Variants in CPNE2 observed in about 807,000 individuals in gnomAD.
The protein encoded by CPNE2 is copine-2.
A neutral mutation model predicts 69.7 loss-of-function variants in CPNE2; 42 were observed. That is an observed-to-expected ratio of 0.60 (90% CI 0.47 to 0.78). The LOEUF (loss-of-function observed/expected upper bound fraction) is 0.78, where lower values mean the gene tolerates loss of function less well. Ranked by LOEUF, CPNE2 falls within the 30% of genes least tolerant of loss-of-function variation. The pLI, the probability that CPNE2 is intolerant of heterozygous loss-of-function variation, is 0.00. For missense variants in CPNE2, 587 were observed against 732.0 expected (o/e 0.80, Z 2.29); for synonymous variants, 294 against 289.8 (o/e 1.01, Z -0.15).
At chr16:57,113,064 C>T in intron 2 of CPNE2, 1 of 482,192 alleles carries the variant, frequency 2.1e-6, no homozygotes. Context: ...GGTTTCAAAT[C>T]TCGGCCCTGC....
chr16:57,094,075 G>A lies in CPNE2; in HGVS notation c.-36+1285G>A, dbSNP rs539020006. 6.8e-5 allele frequency: 31 copies of A among 456,680 alleles called. 1 individual carries two copies. Among genetic ancestry groups the A allele is most frequent in the South Asian group, 4.5e-4 (29 of 64,570 alleles). 28.3% of individuals were successfully genotyped at this position (456,680 alleles called of 1,614,324 possible). ...TGAAGGCGTGGTTTTATGGCATTCCGCCTGGCATAGGTCCAGGTGAGCTCC... is the reference window on the plus strand; with the variant it reads ...TGAAGGCGTGGTTTTATGGCATTCCACCTGGCATAGGTCCAGGTGAGCTCC... On this transcript the variant is annotated intron_variant, in intron 1 of 15. Coordinates refer to ENST00000290776, the MANE Select transcript of CPNE2 (RefSeq NM_152727.6).
chr16:57,127,877 G>A lies in CPNE2; in HGVS notation c.1090G>A (p.Gly364Arg), dbSNP rs1448111743. 6.8e-6 allele frequency: 11 copies of A among 1,613,568 alleles called. No individual in the cohort carries two copies. Among genetic ancestry groups the A allele is most frequent in the East Asian group, 2.2e-5 (1 of 44,888 alleles). Residue 364 changes from glycine to arginine, a missense_variant, in exon 12 of 16, where the codon GGG (glycine) becomes AGG (arginine). Coordinates refer to ENST00000290776, the MANE Select transcript of CPNE2 (RefSeq NM_152727.6). ...SDKMFPALGF[G>R]AQLPPDWKVS... ...TAAGATGTTTCCAGCTCTGGGATTCGGGGCCCAGTTACCCCCAGACTGGAA... is the reference window on the plus strand; with the variant it reads ...TAAGATGTTTCCAGCTCTGGGATTCAGGGCCCAGTTACCCCCAGACTGGAA...
chr16:57,121,849 G>C lies in CPNE2; in HGVS notation c.867+89G>C. On this transcript the variant is annotated intron_variant, in intron 9 of 15. Transcript: ENST00000290776. ...AGAGCACTGGATCTGGAGCCAGCGA[G>C]GCCTGTGTTCAAATCCCGGCTCTGC... 3.1e-6 allele frequency: 4 copies of C among 1,292,298 alleles called. No individual in the cohort carries two copies. In the Admixed American group the frequency reaches 7.4e-5, roughly 24 times the overall value. The allele number at this position is 1,292,298 out of a possible 1,614,324, so 80.1% of individuals were successfully genotyped here.
Position 57,121,138 on chromosome 16 carries a change from G to A in CPNE2, c.727G>A (p.Gly243Ser), listed in dbSNP as rs1351454536. The change falls in exon 8 of 16, where the codon GGC becomes AGC. Residue 243 changes from glycine (G) to serine (S), a missense_variant. By Grantham distance (56) the Gly-to-Ser change is moderately conservative. This residue lies in a region of CPNE2 where 269 missense variants were observed against 300.5 expected (regional missense o/e 0.90). Coordinates refer to ENST00000290776, the MANE Select transcript of CPNE2 (RefSeq NM_152727.6). ...CAATGACGGGGGCCATGACTTCATC[G>A]GCGAGTTCCAGACCTCAGTGTCACA... ...YDNDGGHDFI[G>S]EFQTSVSQMC... The A allele has an allele frequency of 2.5e-6, 4 of 1,614,016 alleles. No homozygotes were observed. The highest frequency in any genetic ancestry group is 1.7e-5 in the Admixed American group (1 of 60,006).
At chr16:57,101,328 T>C (rs1400895140) in intron 1 of CPNE2, among the ~76,000 whole-genome samples, 2 of 152,242 alleles carry the variant, frequency 1.3e-5, no homozygotes, top group African/African-American at 4.8e-5. Flanking sequence ...TCTTCCTGGA[T>C]CTTCTCATCT....
rs1308697398 is a variant in CPNE2, at chr16:57,125,650, T to C, written c.928-210T>C. Reference sequence around the variant, plus strand: ...TGTCATCACATCTAGGCAGTGGACTTTATGCTTGGGCAATAGAGAGCCACA... The same window carrying C: ...TGTCATCACATCTAGGCAGTGGACTCTATGCTTGGGCAATAGAGAGCCACA... On this transcript the variant is annotated intron_variant, in intron 10 of 15. Transcript: ENST00000290776. 5 of 613,300 alleles carry C rather than the reference T, an allele frequency of 8.2e-6. No individual in the cohort carries two copies. The African/African-American group carries it at 9.3e-5, about 11-fold the overall frequency. The allele number at this position is 613,300 out of a possible 1,614,324, so 38.0% of individuals were successfully genotyped here.
rs755974801 is a variant in CPNE2, at chr16:57,121,769, G to T, written c.867+9G>T. On this transcript the variant is annotated intron_variant, in intron 9 of 15. Coordinates refer to ENST00000290776, the MANE Select transcript of CPNE2 (RefSeq NM_152727.6). ...TCCTGCGATCCTGCAAGGTGAACCA[G>T]CGTGGGCAAGCACGAGCCAGGGGCC... 17 of 1,613,888 alleles carry T rather than the reference G, an allele frequency of 1.1e-5. No individual in the cohort carries two copies. Among genetic ancestry groups the T allele is most frequent in the Non-Finnish European group, 1.4e-5 (16 of 1,179,780 alleles).
chr16:57,136,058 G>A (rs2069878298), intron 13 of CPNE2, among the ~76,000 whole-genome samples: 2 of 150,800 alleles, frequency 1.3e-5, no homozygotes, highest in Non-Finnish European at 3.0e-5. Flanking sequence ...AAGAAAGAAA[G>A]AAAAAGGAAG....
chr16:57,131,126 G>GT (rs2069835680), intron 12 of CPNE2, among the ~76,000 whole-genome samples: 5 of 152,190 alleles, frequency 3.3e-5, no homozygotes, highest in African/African-American at 1.2e-4. Context: ...CTTGCCCAAG[G>GT]CCATGTTCAC....
In CPNE2 at chr16:57,140,241, G is replaced by A. The variant is rs1262421240; in HGVS notation, c.1302+2959G>A. Among the ~76,000 whole-genome samples the A allele has an allele frequency of 3.3e-5, 5 of 152,144 alleles. No homozygotes were observed. In the East Asian group the frequency reaches 9.7e-4, roughly 29 times the overall value. On this transcript the variant is annotated intron_variant, in intron 14 of 15. Transcript: ENST00000290776. ...GCTGGAGTGCAATGGTGCAATCTTG[G>A]CTCACTGCAACCTCCGCCTCCTGGG...
chr16:57,122,097 G>A (rs962640548), intron 9 of CPNE2, among the ~76,000 whole-genome samples: 1 of 152,256 alleles, frequency 6.6e-6, no homozygotes, highest in Non-Finnish European at 1.5e-5. Context: ...GCAAGGGGCA[G>A]AGGACATTGG....
At chr16:57,093,276 C>CGGT (rs1327560646) in intron 1 of CPNE2, among the ~76,000 whole-genome samples, 2 of 151,956 alleles carry the variant, frequency 1.3e-5, no homozygotes, top group Non-Finnish European at 2.9e-5. Context: ...CTCCCAGCCC[C>CGGT]GGTACTGGGA....
rs118069881 is a variant in CPNE2 at position 57,130,127 on chromosome 16, T to C, written c.1116+2224T>C. Reference sequence around the variant, plus strand: ...TGGGTGCAGTGGCTCACACTTATAATCTTAGCACTTTGGGAGGCTGAGGAG... The same window carrying C: ...TGGGTGCAGTGGCTCACACTTATAACCTTAGCACTTTGGGAGGCTGAGGAG... On this transcript the variant is annotated intron_variant, in intron 12 of 15. Transcript: ENST00000290776. The surrounding 1 kb of genome is among the most constrained non-coding windows in gnomAD (Gnocchi z 4.1). Among the ~76,000 whole-genome samples, 4,188 of 152,216 alleles carry C rather than the reference T, an allele frequency of 0.028. 198 individuals are homozygous for C. Among genetic ancestry groups the C allele is most frequent in the South Asian group, 0.15 (717 of 4,822 alleles).
chr16:57,123,700 G>A (rs1354961662), intron 10 of CPNE2: 1 of 561,068 alleles, frequency 1.8e-6, no homozygotes, highest in Non-Finnish European at 3.2e-6. Flanking sequence ...CAGCTGCACA[G>A]CTTTCAGTCT....
At chr16:57,128,171 A>G (rs1017999957) in intron 12 of CPNE2, among the ~76,000 whole-genome samples, 4 of 152,200 alleles carry the variant, frequency 2.6e-5, no homozygotes, top group Non-Finnish European at 5.9e-5. Context: ...TCAAAATACA[A>G]GACACCCAGT....
chr16:57,146,421 A>G lies in CPNE2; in HGVS notation c.1539+100A>G. 1 of 1,016,580 alleles carries G rather than the reference A, an allele frequency of 9.8e-7. No individual in the cohort carries two copies. The highest frequency in any genetic ancestry group is 1.6e-5 in the South Asian group (1 of 62,360). The allele number at this position is 1,016,580 out of a possible 1,614,324, so 63.0% of individuals were successfully genotyped here. A position where few individuals can be genotyped will look rare whatever the true frequency, so the allele number is the denominator to read the frequency against. On this transcript the variant is annotated intron_variant, in intron 15 of 15. Coordinates refer to ENST00000290776, the MANE Select transcript of CPNE2 (RefSeq NM_152727.6). This position sits in a 1 kb window ranked among gnomAD's most constrained non-coding sequence, Gnocchi z 4.4. Reference sequence around the variant, plus strand: ...TCTTGGGGTTGTCTGGCCCAATCCTAGACTTCTCCACTCCATTGACTATGC... The same window carrying G: ...TCTTGGGGTTGTCTGGCCCAATCCTGGACTTCTCCACTCCATTGACTATGC...
chr16:57,107,835 T>C (rs567452984), intron 1 of CPNE2, among the ~76,000 whole-genome samples: 19 of 151,458 alleles, frequency 1.3e-4, no homozygotes, highest in Admixed American at 1.1e-3. Context: ...GACTGGACTG[T>C]GAGCCCTGCA....
At chr16:57,121,000 C>T in intron 7 of CPNE2, 93 bp from the exon 8 acceptor site, 1 of 895,450 alleles carries the variant, frequency 1.1e-6, no homozygotes, top group East Asian at 2.7e-5. Context: ...ACTACCCAAA[C>T]AGAAGACAGA....
At position 57,146,028 on chromosome 16, in the gene CPNE2, A is replaced by G; in HGVS notation, c.1303-57A>G. ...AGGGTTTGGGATGAAGGAGGGAGGGAGAAGGGGTGCCAGAGCCTCGACCTT... is the reference window on the plus strand; with the variant it reads ...AGGGTTTGGGATGAAGGAGGGAGGGGGAAGGGGTGCCAGAGCCTCGACCTT... On this transcript the variant is annotated intron_variant, in intron 14 of 15. Transcript: ENST00000290776. The surrounding 1 kb of genome is among the most constrained non-coding windows in gnomAD (Gnocchi z 4.4). 7.0e-7 allele frequency: 1 copy of G among 1,420,176 alleles called. No homozygotes were observed. The highest frequency in any genetic ancestry group is 2.4e-5 in the East Asian group (1 of 41,898). The allele number at this position is 1,420,176 out of a possible 1,614,324, so 88.0% of individuals were successfully genotyped here. A position where few individuals can be genotyped will look rare whatever the true frequency, so the allele number is the denominator to read the frequency against.
Sources: gnomAD v4.1 joint callset for allele counts (sites outside exome capture counted in the v4.1 genomes callset) on GRCh38, gnomAD v4.1.1 for gene constraint, gnomAD v4.1.1 regional missense constraint, Gnocchi (gnomAD v3.1) non-coding constraint, MANE v1.5 for transcripts, NCBI Gene and HGNC (gene_info 2026-07-23, HGNC 2026-07-21) for gene names.